Variants in CREB5 observed in about 807,000 individuals in gnomAD.
CREB5 encodes cAMP responsive element binding protein 5.
Under a neutral mutation model 57.1 loss-of-function variants are expected in CREB5, and 19 were observed. That is an observed-to-expected ratio of 0.33 (90% CI 0.23 to 0.49). CREB5 has a LOEUF of 0.49. Among genes scored for constraint, CREB5 ranks in the 20% least tolerant of loss-of-function variants. CREB5 has a pLI of 0.99. For missense variants in CREB5, 579 were observed against 671.6 expected (o/e 0.86, Z 1.52); for synonymous variants, 238 against 238.3 (o/e 1.00, Z 0.01).
chr7:28,546,297 G>A (rs1307532776), intron 4 of CREB5, among the ~76,000 whole-genome samples: 1 of 152,284 alleles, frequency 6.6e-6, no homozygotes, highest in East Asian at 1.9e-4. Flanking sequence ...CCTCAATAAT[G>A]GACATTTGGG....
chr7:28,365,283 A>T (rs1214399392), intron 1 of CREB5, among the ~76,000 whole-genome samples: 1 of 152,112 alleles, frequency 6.6e-6, no homozygotes, highest in South Asian at 2.1e-4. Context: ...CTTGTTTTCA[A>T]TGAACACAAT....
intron 5 of CREB5, among the ~76,000 whole-genome samples, chr7:28,584,116 C>A (rs528251643): frequency 6.6e-6 from 1 of 152,294 alleles, no homozygotes; most frequent in East Asian, 1.9e-4. Flanking sequence ...GGGAATACCT[C>A]ACGGAACGCA....
At chr7:28,447,392 A>C (rs1045612877) in intron 1 of CREB5, among the ~76,000 whole-genome samples, 1 of 152,236 alleles carries the variant, frequency 6.6e-6, no homozygotes, top group African/African-American at 2.4e-5. Flanking sequence ...GTTCCCTTCA[A>C]ACAAGTTTCT....
chr7:28,482,107 A>G (rs1046301678), intron 1 of CREB5, among the ~76,000 whole-genome samples: 1 of 152,226 alleles, frequency 6.6e-6, no homozygotes, highest in Non-Finnish European at 1.5e-5. Flanking sequence ...CCTGTTCTAC[A>G]GTGTTTTACT....
chr7:28,706,797 C>A (rs979836785), intron 5 of CREB5, among the ~76,000 whole-genome samples: 23 of 152,162 alleles, frequency 1.5e-4, no homozygotes, highest in Admixed American at 6.5e-5. Flanking sequence ...CCCCATACCC[C>A]CTGTTCAAGC....
chr7:28,330,260 A>G (rs1785688943), intron 1 of CREB5, among the ~76,000 whole-genome samples: 1 of 152,190 alleles, frequency 6.6e-6, no homozygotes, highest in African/African-American at 2.4e-5. Context: ...AGTGACTCAA[A>G]TTTATAGATC....
At chr7:28,686,377 C>G (rs1347781491) in intron 5 of CREB5, among the ~76,000 whole-genome samples, 1 of 152,018 alleles carries the variant, frequency 6.6e-6, no homozygotes, top group African/African-American at 2.4e-5. Context: ...CCCCTCCGCT[C>G]CTCTTCTTGC....
chr7:28,628,601 T>A (rs41297), intron 5 of CREB5, among the ~76,000 whole-genome samples: 2 of 151,908 alleles, frequency 1.3e-5, no homozygotes, highest in African/African-American at 4.8e-5. Context: ...AACATTCTAC[T>A]GTGTGAGGGT....
chr7:28,583,704 G>T (rs1796201134), intron 5 of CREB5, among the ~76,000 whole-genome samples: 1 of 151,962 alleles, frequency 6.6e-6, no homozygotes, highest in Non-Finnish European at 1.5e-5. Flanking sequence ...TTGAGATGGA[G>T]TTTCGCTCTT....
intron 5 of CREB5, among the ~76,000 whole-genome samples, chr7:28,613,133 A>C (rs1797460568): frequency 6.6e-6 from 1 of 152,218 alleles, no homozygotes; most frequent in Non-Finnish European, 1.5e-5. Flanking sequence ...TCTATACCTC[A>C]GCAAACCATT....
At chr7:28,425,462 C>T (rs1788468758) in intron 1 of CREB5, among the ~76,000 whole-genome samples, 1 of 151,896 alleles carries the variant, frequency 6.6e-6, no homozygotes, top group African/African-American at 2.4e-5. Flanking sequence ...TCAGGGGTGA[C>T]CATTGAAGAG....
intron 7 of CREB5, among the ~76,000 whole-genome samples, chr7:28,750,187 G>A (rs1426711785): frequency 2.0e-5 from 3 of 151,932 alleles, no homozygotes; most frequent in East Asian, 3.9e-4. Flanking sequence ...AAATACCTAT[G>A]AGCCCAGCCC....
intron 5 of CREB5, among the ~76,000 whole-genome samples, chr7:28,578,340 G>A (rs552245690): frequency 1.3e-5 from 2 of 152,126 alleles, no homozygotes; most frequent in South Asian, 2.1e-4. Flanking sequence ...CATGGCTTGT[G>A]GTGTTTAGAG....
At chr7:28,757,171 G>A (rs1468446) in intron 7 of CREB5, among the ~76,000 whole-genome samples, 35,855 of 152,128 alleles carry the variant, frequency 0.24, 5,227 homozygotes, top group Non-Finnish European at 0.33. Context: ...CGCAACCGTC[G>A]TATATGAGAC....
intron 1 of CREB5, among the ~76,000 whole-genome samples, chr7:28,480,427 ATACT>A (rs1310331287): frequency 1.3e-5 from 2 of 152,220 alleles, no homozygotes; most frequent in Non-Finnish European, 2.9e-5. Context: ...TGACAATGAA[ATACT>A]TTCTTTTCTG....
chr7:28,596,892 C>T (rs1254912261), intron 5 of CREB5, among the ~76,000 whole-genome samples: 1 of 151,916 alleles, frequency 6.6e-6, no homozygotes, highest in Non-Finnish European at 1.5e-5. Context: ...GGGAAGGATC[C>T]CAGTTTGTTT....
At chr7:28,382,983 G>A (rs749017105) in intron 1 of CREB5, among the ~76,000 whole-genome samples, 2 of 152,154 alleles carry the variant, frequency 1.3e-5, no homozygotes, top group Non-Finnish European at 2.9e-5. Context: ...TTCTATGTAG[G>A]GTTAAGCCTT....
intron 1 of CREB5, among the ~76,000 whole-genome samples, chr7:28,480,215 C>A (rs761618273): frequency 1.1e-4 from 16 of 152,074 alleles, no homozygotes; most frequent in Admixed American, 2.0e-4. Context: ...CATTTGGGAA[C>A]GTGTTCCAAT....
At chr7:28,558,851 T>C (rs566617871) in intron 4 of CREB5, among the ~76,000 whole-genome samples, 1 of 152,336 alleles carries the variant, frequency 6.6e-6, no homozygotes, top group East Asian at 1.9e-4. Flanking sequence ...CTTGTGGTAC[T>C]TTTATACGTG....
Sources: allele counts gnomAD v4.1 joint callset (sites outside exome capture counted in the v4.1 genomes callset), GRCh38; gene constraint gnomAD v4.1.1; transcripts MANE v1.5; gene names NCBI Gene and HGNC (gene_info 2026-07-23, HGNC 2026-07-21).